MACROD2: variants seen among roughly 807,000 people sequenced by gnomAD.
MACROD2 encodes the protein mono-ADP ribosylhydrolase 2, also known as ADP-ribose glycohydrolase MACROD2.
Under a neutral mutation model 70.4 loss-of-function variants are expected in MACROD2, and 36 were observed. That is an observed-to-expected ratio of 0.51 (90% CI 0.39 to 0.68). MACROD2 has a LOEUF of 0.68. Ranked by LOEUF, MACROD2 falls within the 30% of genes least tolerant of loss-of-function variation. MACROD2 has a pLI of 0.00. For missense variants in MACROD2, 496 were observed against 538.4 expected (o/e 0.92, Z 0.78); for synonymous variants, 172 against 178.8 (o/e 0.96, Z 0.30).
intron 6 of MACROD2, among the ~76,000 whole-genome samples, chr20:15,242,923 A>G (rs1300700015): frequency 6.6e-6 from 1 of 152,210 alleles, no homozygotes; most frequent in African/African-American, 2.4e-5. Context: ...AGAAGGAAAC[A>G]GAATTGGGCA....
In MACROD2 at chr20:16,053,126, C is replaced by A. The variant is rs1173690458; in HGVS notation, c.*3250C>A. The A allele has an allele frequency of 6.6e-6, 1 of 152,286 alleles. No individual in the cohort carries two copies. The highest frequency in any genetic ancestry group is 1.5e-5 in the Non-Finnish European group (1 of 68,006). 9.4% of individuals were successfully genotyped at this position (152,286 alleles called of 1,614,324 possible). On this transcript the variant is annotated 3_prime_UTR_variant, in exon 18 of 18. Coordinates refer to ENST00000684519, the MANE Select transcript of MACROD2 (RefSeq NM_001351661.2). ...TTCATCTGTGCCATACACTAAAAAA[C>A]AACTGTTGCCTTCATACTATATTTG... is the stretch of plus-strand genomic sequence containing the variant.
At chr20:15,698,084 T>C (rs188357200) in intron 8 of MACROD2, among the ~76,000 whole-genome samples, 58 of 152,352 alleles carry the variant, frequency 3.8e-4, no homozygotes, top group African/African-American at 1.3e-3. Flanking sequence ...TGAGGTACCA[T>C]TGCATTCATC....
chr20:15,862,677 C>T (rs761069371), intron 8 of MACROD2, 68 bp from the exon 9 acceptor site: 49 of 1,276,346 alleles, frequency 3.8e-5, no homozygotes, highest in Admixed American at 1.0e-4. Context: ...TTTTGTTCTA[C>T]GGCTATGTCC....
At chr20:14,730,064 G>A (rs2071577125) in intron 5 of MACROD2, among the ~76,000 whole-genome samples, 1 of 152,082 alleles carries the variant, frequency 6.6e-6, no homozygotes, top group South Asian at 2.1e-4. Context: ...TGGCAAACTA[G>A]AAGATCTAAA....
At chr20:15,210,824 C>T (rs1255450199) in intron 5 of MACROD2, among the ~76,000 whole-genome samples, 2 of 152,194 alleles carry the variant, frequency 1.3e-5, no homozygotes, top group Non-Finnish European at 2.9e-5. Flanking sequence ...CCTTAGCCTT[C>T]CACTATGATT....
At chr20:14,491,993 A>G (rs956336543) in intron 3 of MACROD2, among the ~76,000 whole-genome samples, 7 of 152,208 alleles carry the variant, frequency 4.6e-5, no homozygotes, top group Admixed American at 6.5e-5. Flanking sequence ...TAGCCTACAG[A>G]CATGGGTTCA....
chr20:15,542,119 A>AG (rs1481033178), intron 8 of MACROD2, among the ~76,000 whole-genome samples: 1 of 152,222 alleles, frequency 6.6e-6, no homozygotes, highest in Non-Finnish European at 1.5e-5. Flanking sequence ...TACAAAAAAA[A>AG]GTATATCAGA....
At chr20:14,396,745 G>A (rs889480212) in intron 3 of MACROD2, among the ~76,000 whole-genome samples, 1 of 151,604 alleles carries the variant, frequency 6.6e-6, no homozygotes. Context: ...CTAACGCGGT[G>A]AAACCCCGTC....
At chr20:15,473,183 C>A (rs992122134) in intron 7 of MACROD2, among the ~76,000 whole-genome samples, 2 of 152,106 alleles carry the variant, frequency 1.3e-5, no homozygotes, top group Non-Finnish European at 2.9e-5. Flanking sequence ...TAAGGCCTGG[C>A]CTTCAGGTAT....
Position 14,797,018 on chromosome 20 carries a change from A to G in MACROD2, c.418+112059A>G, listed in dbSNP as rs536859333. On this transcript the variant is annotated intron_variant, in intron 5 of 17. Coordinates refer to ENST00000684519, the MANE Select transcript of MACROD2 (RefSeq NM_001351661.2). Reference sequence around the variant, plus strand: ...TCCTCTTCCATTGTTTCTTATCACAATGTATAGTATCAATGAGGAGGTGAA... The same window carrying G: ...TCCTCTTCCATTGTTTCTTATCACAGTGTATAGTATCAATGAGGAGGTGAA... Among the ~76,000 whole-genome samples, 40 of 152,070 alleles carry G rather than the reference A, an allele frequency of 2.6e-4. No individual in the cohort carries two copies. The South Asian group carries it at 4.4e-3, about 17-fold the overall frequency.
chr20:14,657,219 C>A (rs1044161531), intron 4 of MACROD2, among the ~76,000 whole-genome samples: 11 of 152,168 alleles, frequency 7.2e-5, no homozygotes, highest in African/African-American at 2.7e-4. Context: ...TAATAAGTTA[C>A]AGAGCCTCAT....
At chr20:15,496,376 T>C (rs923368597) in intron 7 of MACROD2, among the ~76,000 whole-genome samples, 1 of 152,280 alleles carries the variant, frequency 6.6e-6, no homozygotes, top group Non-Finnish European at 1.5e-5. Flanking sequence ...CTTGTGGATG[T>C]TGAAATCACG....
chr20:15,832,227 G>C (rs963786812), intron 8 of MACROD2, among the ~76,000 whole-genome samples: 2 of 152,166 alleles, frequency 1.3e-5, no homozygotes, highest in Admixed American at 6.5e-5. Flanking sequence ...TGTGGCATGT[G>C]AAGGAACACA....
intron 3 of MACROD2, among the ~76,000 whole-genome samples, chr20:14,432,943 A>T (rs1480571920): frequency 6.6e-6 from 1 of 152,112 alleles, no homozygotes; most frequent in African/African-American, 2.4e-5. Context: ...TGAAAATTTT[A>T]TGCATACAAA....
At chr20:15,153,200 A>T (rs1431753540) in intron 5 of MACROD2, among the ~76,000 whole-genome samples, 1 of 152,046 alleles carries the variant, frequency 6.6e-6, no homozygotes, top group East Asian at 1.9e-4. Context: ...TGTGTGAGCA[A>T]CGAGGCTATT....
chr20:14,851,947 GC>G (rs1446852608), intron 5 of MACROD2, among the ~76,000 whole-genome samples: 2 of 152,148 alleles, frequency 1.3e-5, no homozygotes, highest in African/African-American at 4.8e-5. Context: ...AGAGAAGGTG[GC>G]ATGGTAATGG....
chr20:14,699,138 T>C (rs1163090619), intron 5 of MACROD2, among the ~76,000 whole-genome samples: 1 of 152,200 alleles, frequency 6.6e-6, no homozygotes, highest in African/African-American at 2.4e-5. Flanking sequence ...CTGACCTGCC[T>C]AATGAAAAGC....
At chr20:15,589,406 A>G (rs1199505320) in intron 8 of MACROD2, among the ~76,000 whole-genome samples, 2 of 152,196 alleles carry the variant, frequency 1.3e-5, no homozygotes, top group Admixed American at 1.3e-4. Context: ...TCTCACATCA[A>G]AATCGAGTGA....
intron 4 of MACROD2, among the ~76,000 whole-genome samples, chr20:14,554,996 T>A (rs937242448): frequency 2.7e-5 from 4 of 149,198 alleles, no homozygotes; most frequent in African/African-American, 9.9e-5. Context: ...GGGGTAGGGA[T>A]GGTTAGTGGT....
Sources: gnomAD v4.1 joint callset for allele counts (sites outside exome capture counted in the v4.1 genomes callset) on GRCh38, gnomAD v4.1.1 for gene constraint, MANE v1.5 for transcripts, NCBI Gene and HGNC (gene_info 2026-07-23, HGNC 2026-07-21) for gene names.